Variants in SHTN1 observed in about 807,000 individuals in gnomAD.
SHTN1 encodes shootin-1.
SHTN1 carries 42 observed loss-of-function variants against 83.1 expected under a neutral mutation model. The observed-to-expected ratio is 0.51, with a 90% CI of 0.39 to 0.65. The LOEUF is 0.65. Among genes scored for constraint, SHTN1 ranks in the 30% least tolerant of loss-of-function variants. SHTN1 has a pLI of 0.00. For missense variants in SHTN1, 622 were observed against 737.8 expected, an observed-to-expected ratio of 0.84 and a Z score of 1.82; for synonymous variants, 224 against 247.7, an observed-to-expected ratio of 0.90 and a Z score of 0.90.
At chr10:116,963,650 A>C (rs1564901732) in intron 3 of SHTN1, among the ~76,000 whole-genome samples, 2 of 152,254 alleles carry the variant, frequency 1.3e-5, no homozygotes, top group East Asian at 3.8e-4. Flanking sequence ...GACTGGAATT[A>C]GTTCCAAAGC....
intron 2 of SHTN1, among the ~76,000 whole-genome samples, chr10:116,978,889 T>C (rs1305408811): frequency 1.3e-5 from 2 of 152,172 alleles, no homozygotes; most frequent in Non-Finnish European, 2.9e-5. Flanking sequence ...TAGGACCCAA[T>C]GTGTCTAGGT....
chr10:116,960,038 T>C, intron 4 of SHTN1, 98 bp downstream of exon 4: 1 of 679,054 alleles, frequency 1.5e-6, no homozygotes, highest in Non-Finnish European at 2.6e-6. Context: ...GATAATCGAT[T>C]AGAGAAGTAG....
At chr10:116,982,345 G>C (rs1035183298) in intron 1 of SHTN1, among the ~76,000 whole-genome samples, 4 of 152,136 alleles carry the variant, frequency 2.6e-5, no homozygotes, top group Non-Finnish European at 5.9e-5. Context: ...GGAAAGGAAA[G>C]GGAAAGTATG....
At chr10:116,948,543 T>G (rs1406462668) in intron 7 of SHTN1, among the ~76,000 whole-genome samples, 1 of 152,180 alleles carries the variant, frequency 6.6e-6, no homozygotes, top group African/African-American at 2.4e-5. Flanking sequence ...TAATGTTACA[T>G]GTTTTATGTA....
intron 2 of SHTN1, among the ~76,000 whole-genome samples, chr10:116,977,247 T>A (rs1054872265): frequency 5.9e-5 from 9 of 152,214 alleles, no homozygotes; most frequent in Non-Finnish European, 1.2e-4. Context: ...TCTTACATTA[T>A]TCATTTTCTT....
chr10:116,954,689 G>A (rs778586687), intron 4 of SHTN1, among the ~76,000 whole-genome samples: 2 of 151,994 alleles, frequency 1.3e-5, no homozygotes, highest in Non-Finnish European at 2.9e-5. Flanking sequence ...CATCCCTTTG[G>A]CCACAGCGAA....
rs1036675805 is a variant in SHTN1, at chr10:117,113,977, G to A, written c.-189+12330C>T. ...CAAGAGAATAACTTGAACCCGGGAG[G>A]TGGAGGTTGCAGTGAGCTGAGATTG... On this transcript the variant is annotated intron_variant, in intron 1 of 17. Transcript: ENST00000392901. 2.6e-5 allele frequency among the ~76,000 whole-genome samples: 4 copies of A among 152,330 alleles called. No individual in the cohort carries two copies. The East Asian group carries it at 7.7e-4, about 29-fold the overall frequency.
chr10:116,962,458 T>C (rs1850216752), intron 3 of SHTN1, among the ~76,000 whole-genome samples: 1 of 152,126 alleles, frequency 6.6e-6, no homozygotes, highest in Non-Finnish European at 1.5e-5. Flanking sequence ...TTTTTAGCCT[T>C]AACTACTTGA....
At chr10:116,969,932 CCTT>C (rs1326746375) in intron 2 of SHTN1, among the ~76,000 whole-genome samples, 1 of 152,102 alleles carries the variant, frequency 6.6e-6, no homozygotes. Flanking sequence ...CTTGGGAATA[CCTT>C]ATTCCCTAAG....
intron 1 of SHTN1, among the ~76,000 whole-genome samples, chr10:117,004,063 T>G (rs1851917548): frequency 6.6e-6 from 1 of 151,968 alleles, no homozygotes; most frequent in Non-Finnish European, 1.5e-5. Flanking sequence ...AATTTTGTAT[T>G]TTTAGTAGAG....
At chr10:117,085,281 T>C (rs1053623546) in intron 1 of SHTN1, among the ~76,000 whole-genome samples, 2 of 152,236 alleles carry the variant, frequency 1.3e-5, no homozygotes, top group East Asian at 3.8e-4. Flanking sequence ...CACTCAATGC[T>C]ATAAATTTCC....
intron 2 of SHTN1, among the ~76,000 whole-genome samples, chr10:117,017,232 C>T (rs993369822): frequency 4.6e-5 from 7 of 152,172 alleles, no homozygotes; most frequent in Non-Finnish European, 8.8e-5. Flanking sequence ...TGGCTCACGC[C>T]TGTAATCCCA....
At chr10:116,928,937 T>C (rs1459174812) in intron 10 of SHTN1, among the ~76,000 whole-genome samples, 2 of 152,224 alleles carry the variant, frequency 1.3e-5, no homozygotes, top group Non-Finnish European at 1.5e-5. Context: ...ATATTTCCAG[T>C]GTCTGCCTCC....
upstream of SHTN1, among the ~76,000 whole-genome samples, chr10:117,006,917 A>G (rs1411245222): frequency 1.3e-5 from 2 of 152,140 alleles, no homozygotes; most frequent in Non-Finnish European, 2.9e-5. Flanking sequence ...TTTTGAAAAA[A>G]AAAATGGTAG....
intron 1 of SHTN1, among the ~76,000 whole-genome samples, chr10:117,090,772 A>T (rs1157539903): frequency 1.9e-5 from 1 of 53,600 alleles, no homozygotes; most frequent in Admixed American, 1.6e-4. Flanking sequence ...GAAGGAAGGA[A>T]GGAAGGAAGG....
chr10:116,938,011 A>G (rs1256334138), intron 9 of SHTN1, among the ~76,000 whole-genome samples: 2 of 151,776 alleles, frequency 1.3e-5, no homozygotes, highest in Non-Finnish European at 2.9e-5. Context: ...TTTCAGCTCC[A>G]TCAGGTCATT....
upstream of SHTN1, chr10:117,005,701 A>T: frequency 2.2e-6 from 1 of 464,200 alleles, no homozygotes; most frequent in Non-Finnish European, 2.8e-6. Context: ...TGAAGAGGAG[A>T]CAAGGATCGA....
At position 117,003,653 on chromosome 10, in the gene SHTN1, G is replaced by A. The variant is rs1434585120; in HGVS notation, c.58+1369C>T. Among the ~76,000 whole-genome samples, 22 of 151,888 alleles carry A rather than the reference G, an allele frequency of 1.4e-4. 1 individual carries two copies. Among genetic ancestry groups the A allele is most frequent in the Admixed American group, 1.4e-3 (22 of 15,242 alleles). ...CCAGTTTCACCCTCGCCTTTAGTCAGGTCGGCCTTGATTGACCAGAAGATC... is the reference window on the plus strand; with the variant it reads ...CCAGTTTCACCCTCGCCTTTAGTCAAGTCGGCCTTGATTGACCAGAAGATC... On this transcript the variant is annotated intron_variant, in intron 1 of 16. Transcript: ENST00000355371.
intron 1 of SHTN1, among the ~76,000 whole-genome samples, chr10:117,092,403 G>C (rs1853443987): frequency 6.6e-6 from 1 of 152,302 alleles, no homozygotes; most frequent in Non-Finnish European, 1.5e-5. Context: ...CCTTTATCCA[G>C]AATTTGCGAC....
Sources: allele counts gnomAD v4.1 joint callset (sites outside exome capture counted in the v4.1 genomes callset), GRCh38; gene constraint gnomAD v4.1.1; transcripts MANE v1.5; gene names NCBI Gene and HGNC (gene_info 2026-07-23, HGNC 2026-07-21).